Variants in SLC18A2 observed in about 807,000 individuals in gnomAD.
SLC18A2 encodes the protein synaptic vesicular amine transporter.
Under a neutral mutation model 59.2 loss-of-function variants are expected in SLC18A2, and 33 were observed. That is an observed-to-expected ratio of 0.56 (90% CI 0.42 to 0.75). SLC18A2 has a LOEUF of 0.75. Among genes scored for constraint, SLC18A2 ranks in the 30% least tolerant of loss-of-function variants. The pLI, the probability that SLC18A2 is intolerant of heterozygous loss-of-function variation, is 0.00. For synonymous variants in SLC18A2, 228 were observed against 253.5 expected, an observed-to-expected ratio of 0.90 and a Z score of 0.95; for missense variants, 569 against 668.6, an observed-to-expected ratio of 0.85 and a Z score of 1.64.
chr10:117,270,269 TG>T, intron 14 of SLC18A2, 60 bp from the exon 15 acceptor site: 1 of 1,613,024 alleles, frequency 6.2e-7, no homozygotes, highest in Non-Finnish European at 8.5e-7. Flanking sequence ...TTTAAATCTT[TG>T]CATCTTTCAG....
chr10:117,275,835 G>A (rs74466450), intron 15 of SLC18A2, among the ~76,000 whole-genome samples: 6,109 of 152,282 alleles, frequency 0.04, 140 homozygotes, highest in East Asian at 0.067. Flanking sequence ...GGGCATGAGA[G>A]TTTCATGCTC....
At chr10:117,242,285 A>G (rs899619704) in intron 2 of SLC18A2, among the ~76,000 whole-genome samples, 3 of 152,242 alleles carry the variant, frequency 2.0e-5, no homozygotes, top group Non-Finnish European at 4.4e-5. Flanking sequence ...GAATGACTTG[A>G]GATGGAAATA....
intron 9 of SLC18A2, among the ~76,000 whole-genome samples, chr10:117,257,359 AG>A (rs1345986791): frequency 5.3e-5 from 8 of 151,916 alleles, no homozygotes; most frequent in South Asian, 2.1e-4. Context: ...TGGCATTTCT[AG>A]GTATCATTAG....
chr10:117,267,789 G>A (rs373292835), intron 13 of SLC18A2, 53 bp downstream of exon 13: 2 of 1,398,478 alleles, frequency 1.4e-6, no homozygotes, highest in African/African-American at 1.4e-5. Flanking sequence ...CCACTAGGAA[G>A]GGTTCTTCTT....
intron 15 of SLC18A2, among the ~76,000 whole-genome samples, chr10:117,274,210 T>G (rs363275): frequency 0.77 from 116,968 of 152,060 alleles, 45,652 homozygotes; most frequent in Non-Finnish European, 0.85. Flanking sequence ...AAGAGAGGTT[T>G]GGAAGCCAGT....
intron 1 of SLC18A2, 132 bp from the exon 2 acceptor site, chr10:117,241,547 G>T: frequency 9.8e-7 from 1 of 1,020,256 alleles, no homozygotes; most frequent in Non-Finnish European, 1.3e-6. Flanking sequence ...GGTGAGCCGA[G>T]GCTGGGGCGC....
chr10:117,270,173 G>C lies in SLC18A2; in HGVS notation c.1289G>C (p.Cys430Ser). 6.2e-7 allele frequency: 1 copy of C among 1,614,250 alleles called. No individual in the cohort carries two copies. Among genetic ancestry groups the C allele is most frequent in the Non-Finnish European group, 8.5e-7 (1 of 1,180,040 alleles). Residue 430 changes from cysteine (C) to serine (S), a missense_variant, in exon 14 of 16, where the codon TGT becomes TCT. By Grantham distance (112) the Cys-to-Ser change is moderately radical (BLOSUM62 -1). Around this residue, in one of 2 missense-constraint regions of SLC18A2, gnomAD observed 192 missense variants for 278.8 expected, o/e 0.69. Coordinates refer to ENST00000644641, the MANE Select transcript of SLC18A2 (RefSeq NM_003054.6). ...TACGCCATTGCGGATGTGGCATTTT[G>C]TATGGGGTATGCTATAGGTAAGGAC... ...SVYAIADVAF[C>S]MGYAIGPSAG...
chr10:117,266,677 T>G (rs1844352276), intron 10 of SLC18A2, 56 bp from the exon 11 acceptor site: 1 of 1,354,676 alleles, frequency 7.4e-7, no homozygotes, highest in Middle Eastern at 1.8e-4. Context: ...TTATTACTTT[T>G]TCTAACATAT....
chr10:117,273,201 C>T (rs150429621), intron 15 of SLC18A2, among the ~76,000 whole-genome samples: 5 of 152,282 alleles, frequency 3.3e-5, no homozygotes, highest in South Asian at 2.1e-4. Flanking sequence ...TACTGGATTT[C>T]TGTTTTTTAT....
chr10:117,277,065 T>C, intron 15 of SLC18A2, 97 bp from the exon 16 acceptor site: 3 of 697,206 alleles, frequency 4.3e-6, no homozygotes, highest in Non-Finnish European at 7.2e-6. Flanking sequence ...TAATACTACA[T>C]AGTTTTCAAA....
intron 15 of SLC18A2, 26 bp from the exon 16 acceptor site, chr10:117,277,136 T>A (rs185240716): frequency 8.0e-7 from 1 of 1,242,290 alleles, no homozygotes; most frequent in Non-Finnish European, 1.2e-6. Context: ...AAGAAGTTAA[T>A]ATACTTGCAC....
chr10:117,267,758 C>T (rs1844365303), intron 13 of SLC18A2, 22 bp downstream of exon 13: 1 of 1,533,582 alleles, frequency 6.5e-7, no homozygotes, highest in East Asian at 2.3e-5. Flanking sequence ...GAACCTTGTG[C>T]CTACATTTAA....
In SLC18A2 at chr10:117,277,406, T is replaced by C; in HGVS notation, c.*140T>C. ...ACCAAAGGTTATTATTTCCTTTCCATGGTTATGGTCGATTGCCAACAGCCT... is the reference window on the plus strand; with the variant it reads ...ACCAAAGGTTATTATTTCCTTTCCACGGTTATGGTCGATTGCCAACAGCCT... On this transcript the variant is annotated 3_prime_UTR_variant, in exon 16 of 16. Coordinates refer to ENST00000644641, the MANE Select transcript of SLC18A2 (RefSeq NM_003054.6). 5.8e-6 allele frequency: 3 copies of C among 512,956 alleles called. No individual in the cohort carries two copies. The highest frequency in any genetic ancestry group is 1.0e-5 in the Non-Finnish European group (3 of 296,074). 31.8% of individuals were successfully genotyped at this position (512,956 alleles called of 1,614,324 possible). A position where few individuals can be genotyped will look rare whatever the true frequency, so the allele number is the denominator to read the frequency against.
intron 4 of SLC18A2, among the ~76,000 whole-genome samples, chr10:117,253,795 G>A (rs372315631): frequency 2.6e-5 from 4 of 152,190 alleles, no homozygotes; most frequent in Non-Finnish European, 5.9e-5. Flanking sequence ...GCAGTAAGCC[G>A]AGATTGCACC....
At chr10:117,267,894 T>G in intron 13 of SLC18A2, 158 bp downstream of exon 13, 2 of 523,284 alleles carry the variant, frequency 3.8e-6, no homozygotes, top group Non-Finnish European at 7.1e-6. Context: ...CGATTCTCCG[T>G]GTAAAGACAC....
intron 15 of SLC18A2, among the ~76,000 whole-genome samples, chr10:117,271,129 C>T (rs1205741731): frequency 6.6e-6 from 1 of 152,132 alleles, no homozygotes; most frequent in Non-Finnish European, 1.5e-5. Flanking sequence ...TTTACCTTAC[C>T]CAGCAAGGAG....
chr10:117,266,590 C>G (rs372985580), intron 10 of SLC18A2, 143 bp from the exon 11 acceptor site: 2 of 663,726 alleles, frequency 3.0e-6, no homozygotes, highest in Non-Finnish European at 2.6e-6. Flanking sequence ...ATCCGGCAGG[C>G]GCCGGATATT....
chr10:117,241,546 AG>A, intron 1 of SLC18A2, 132 bp from the exon 2 acceptor site: 2 of 998,956 alleles, frequency 2.0e-6, no homozygotes, highest in African/African-American at 1.7e-5. Context: ...AGGTGAGCCG[AG>A]GCTGGGGCGC....
chr10:117,272,718 G>A (rs1485218346), intron 15 of SLC18A2, among the ~76,000 whole-genome samples: 2 of 152,174 alleles, frequency 1.3e-5, no homozygotes, highest in African/African-American at 4.8e-5. Context: ...TTGAGAAGGT[G>A]TGCATCTCGC....
Sources: allele counts gnomAD v4.1 joint callset (sites outside exome capture counted in the v4.1 genomes callset), GRCh38; gene constraint gnomAD v4.1.1; regional missense constraint gnomAD v4.1.1; transcripts MANE v1.5; gene names NCBI Gene and HGNC (gene_info 2026-07-23, HGNC 2026-07-21).